Variants in ROBO2 observed in about 807,000 individuals in gnomAD.
The protein encoded by ROBO2 is roundabout homolog 2.
In ROBO2, 53 loss-of-function variants were observed where a neutral mutation model predicts 160.8. The ratio of observed to expected loss-of-function variants is 0.33; its 90% CI spans 0.26 to 0.41. The LOEUF (loss-of-function observed/expected upper bound fraction) is 0.41. Among genes scored for constraint, ROBO2 ranks in the 10% least tolerant of loss-of-function variants. The probability of loss-of-function intolerance (pLI) is 1.00; values close to 1 mark genes in which losing one functional copy is unlikely to be tolerated. For synonymous variants in ROBO2, 664 were observed against 611.7 expected (o/e 1.09, Z -1.26); for missense variants, 1,577 against 1,722.4 (o/e 0.92, Z 1.49).
At chr3:77,609,410 T>C (rs1203909064) in intron 21 of ROBO2, among the ~76,000 whole-genome samples, 1 of 152,018 alleles carries the variant, frequency 6.6e-6, no homozygotes, top group East Asian at 1.9e-4. Flanking sequence ...AAACCTGCAT[T>C]TTAAAAGCTA....
chr3:76,129,411 T>G (rs1256251115), intron 2 of ROBO2, among the ~76,000 whole-genome samples: 1 of 152,162 alleles, frequency 6.6e-6, no homozygotes, highest in Non-Finnish European at 1.5e-5. Flanking sequence ...TCTTTAAAGT[T>G]GGAGGCCAAT....
intron 2 of ROBO2, among the ~76,000 whole-genome samples, chr3:76,729,647 T>C (rs1010617086): frequency 2.0e-4 from 31 of 151,760 alleles, no homozygotes; most frequent in Admixed American, 1.6e-3. Context: ...CTCTTTTTTT[T>C]TTTTTTTTGA....
chr3:76,348,699 T>C (rs2074686079), intron 2 of ROBO2, among the ~76,000 whole-genome samples: 1 of 152,078 alleles, frequency 6.6e-6, no homozygotes, highest in African/African-American at 2.4e-5. Flanking sequence ...TGCTTCTCCA[T>C]CTCCCCTTCC....
chr3:77,334,964 A>G (rs1432101942), intron 2 of ROBO2, among the ~76,000 whole-genome samples: 5 of 152,160 alleles, frequency 3.3e-5, no homozygotes, highest in Non-Finnish European at 7.3e-5. Flanking sequence ...AGAAATGTGG[A>G]CCTTTGCAAA....
intron 2 of ROBO2, among the ~76,000 whole-genome samples, chr3:77,429,185 T>G (rs1435631140): frequency 1.3e-5 from 2 of 152,224 alleles, no homozygotes; most frequent in African/African-American, 4.8e-5. Context: ...CTGGTTACTC[T>G]TGAATGTGGA....
At chr3:76,704,703 G>A (rs1022236581) in intron 2 of ROBO2, among the ~76,000 whole-genome samples, 1 of 152,054 alleles carries the variant, frequency 6.6e-6, no homozygotes, top group Admixed American at 6.6e-5. Context: ...GAGATAGCAT[G>A]AGGTTTTCTT....
At chr3:77,235,968 C>T (rs1311605571) in intron 2 of ROBO2, among the ~76,000 whole-genome samples, 1 of 152,160 alleles carries the variant, frequency 6.6e-6, no homozygotes, top group Non-Finnish European at 1.5e-5. Flanking sequence ...AGGGTGTTGA[C>T]CAAAAGAGTC....
At chr3:77,045,105 T>C (rs2064511873) in intron 1 of ROBO2, among the ~76,000 whole-genome samples, 1 of 152,126 alleles carries the variant, frequency 6.6e-6, no homozygotes, top group Non-Finnish European at 1.5e-5. Flanking sequence ...GAGCCAGCTG[T>C]AGGCTTTTCT....
At chr3:76,202,690 C>T (rs1343806010) in intron 2 of ROBO2, among the ~76,000 whole-genome samples, 1 of 152,074 alleles carries the variant, frequency 6.6e-6, no homozygotes, top group African/African-American at 2.4e-5. Context: ...CTGCCGATTC[C>T]TGTGTAGTTA....
intron 23 of ROBO2, chr3:77,632,880 T>C: frequency 2.7e-6 from 1 of 372,960 alleles, no homozygotes; most frequent in Non-Finnish European, 4.8e-6. Context: ...TTCCTTTCTC[T>C]TCACGGCTTT....
chr3:76,729,079 C>A (rs1313965429), intron 2 of ROBO2, among the ~76,000 whole-genome samples: 2 of 152,064 alleles, frequency 1.3e-5, no homozygotes, highest in Non-Finnish European at 1.5e-5. Context: ...CTGTCTCAGT[C>A]ATTTGAGACA....
intron 2 of ROBO2, among the ~76,000 whole-genome samples, chr3:76,932,540 T>G (rs2077415628): frequency 6.6e-6 from 1 of 152,124 alleles, no homozygotes; most frequent in Admixed American, 6.6e-5. Context: ...CCTTTTCTTT[T>G]GGACTCCAAA....
At chr3:77,391,297 A>G (rs986364187) in intron 2 of ROBO2, among the ~76,000 whole-genome samples, 18 of 152,084 alleles carry the variant, frequency 1.2e-4, no homozygotes, top group Admixed American at 1.3e-4. Context: ...AAACATCAAA[A>G]CAAAAAGCTT....
chr3:77,169,285 C>T (rs2079400047), intron 2 of ROBO2, among the ~76,000 whole-genome samples: 1 of 152,152 alleles, frequency 6.6e-6, no homozygotes, highest in African/African-American at 2.4e-5. Flanking sequence ...TTATAATTGG[C>T]TATCTTAGCC....
intron 2 of ROBO2, among the ~76,000 whole-genome samples, chr3:76,931,827 C>A (rs1471750200): frequency 1.3e-5 from 2 of 151,728 alleles, no homozygotes; most frequent in East Asian, 1.9e-4. Flanking sequence ...ATTACAGGCA[C>A]CTGCCACCAC....
intron 2 of ROBO2, among the ~76,000 whole-genome samples, chr3:76,948,874 TTATATATATA>T (rs71104642): frequency 4.3e-4 from 21 of 48,614 alleles, no homozygotes; most frequent in Admixed American, 9.2e-4. Flanking sequence ...CCGGCTAATT[TTATATATATA>T]TATATATATA....
At chr3:77,509,212 A>T (rs1228691010) in intron 5 of ROBO2, among the ~76,000 whole-genome samples, 8 of 152,044 alleles carry the variant, frequency 5.3e-5, no homozygotes, top group Non-Finnish European at 1.5e-5. Context: ...GCAAGGGAGA[A>T]ATTACAGCCT....
At chr3:76,366,612 T>C (rs755782464) in intron 2 of ROBO2, among the ~76,000 whole-genome samples, 10 of 152,018 alleles carry the variant, frequency 6.6e-5, no homozygotes, top group Non-Finnish European at 1.0e-4. Context: ...TACATAAGAT[T>C]AAATTTTAAA....
intron 1 of ROBO2, among the ~76,000 whole-genome samples, chr3:75,929,963 G>A (rs1947464239): frequency 6.6e-6 from 1 of 152,132 alleles, no homozygotes; most frequent in Admixed American, 6.5e-5. Context: ...CCAAAGTGCT[G>A]GGATTACAGG....
Sources: allele counts gnomAD v4.1 joint callset (sites outside exome capture counted in the v4.1 genomes callset), GRCh38; gene constraint gnomAD v4.1.1; transcripts MANE v1.5; gene names NCBI Gene and HGNC (gene_info 2026-07-23, HGNC 2026-07-21).